TEX2: variants seen among roughly 807,000 people sequenced by gnomAD.
TEX2 encodes testis expressed 2.
In TEX2, 53 loss-of-function variants were observed where a neutral mutation model predicts 106.9. That is an observed-to-expected ratio of 0.50 (90% CI 0.40 to 0.62). The LOEUF (loss-of-function observed/expected upper bound fraction) is 0.62. Ranked by LOEUF, TEX2 falls within the 20% of genes least tolerant of loss-of-function variation. TEX2 has a pLI of 0.00. For synonymous variants in TEX2, 523 were observed against 534.8 expected (o/e 0.98, Z 0.30); for missense variants, 1,207 against 1,379.0 (o/e 0.88, Z 1.98).
In TEX2 at chr17:64,147,482, T is replaced by C. The variant is rs1221681966; in HGVS notation, c.*1487A>G. 6.6e-6 allele frequency: 1 copy of C among 152,204 alleles called. No homozygotes were observed. Among genetic ancestry groups the C allele is most frequent in the Non-Finnish European group, 1.5e-5 (1 of 68,038 alleles). 9.4% of individuals were successfully genotyped at this position (152,204 alleles called of 1,614,324 possible). The stretch of plus-strand genomic sequence containing the variant: ...TATTTTGTGAAACAATGCAAGCGAT[T>C]TTAAATCCCCACATACTATTTGATT... On this transcript the variant is annotated 3_prime_UTR_variant, in exon 12 of 12. Coordinates refer to ENST00000584379, the MANE Select transcript of TEX2 (RefSeq NM_001288732.2).
intron 6 of TEX2, among the ~76,000 whole-genome samples, chr17:64,173,197 TTATAA>T (rs2031485598): frequency 6.6e-6 from 1 of 152,210 alleles, no homozygotes; most frequent in Non-Finnish European, 1.5e-5. Context: ...TACTTTAGCT[TTATAA>T]TATATTTTAG....
rs779220390 is a variant in TEX2 at position 64,153,007 on chromosome 17, T to C, written c.3078A>G (p.Glu1026=). The change falls in exon 10 of 12, where the codon GAA becomes GAG. Residue 1026 remains glutamate (E), a synonymous_variant. Coordinates refer to ENST00000584379, the MANE Select transcript of TEX2 (RefSeq NM_001288732.2). This position sits in a 1 kb window ranked among gnomAD's most constrained non-coding sequence, Gnocchi z 4.1. ...CCAAGGTTCCTCTACATTCTTGTACTTCAACAGTGAGCAGCAGGGGTGTGT... is the reference window on the plus strand; with the variant it reads ...CCAAGGTTCCTCTACATTCTTGTACCTCAACAGTGAGCAGCAGGGGTGTGT... ...VSNTPLLLTV[E]VQECRGTLAV... is the part of the protein sequence containing the mutation. 6.2e-7 allele frequency: 1 copy of C among 1,614,218 alleles called. No homozygotes were observed. Among genetic ancestry groups the C allele is most frequent in the East Asian group, 2.2e-5 (1 of 44,886 alleles).
intron 1 of TEX2, among the ~76,000 whole-genome samples, chr17:64,236,011 C>G (rs782774639): frequency 3.9e-5 from 6 of 152,082 alleles, no homozygotes. Flanking sequence ...CCCCTTTACA[C>G]TGGCCACCTT....
intron 7 of TEX2, among the ~76,000 whole-genome samples, chr17:64,170,216 C>G (rs2031322919): frequency 6.6e-6 from 1 of 152,226 alleles, no homozygotes; most frequent in Non-Finnish European, 1.5e-5. Flanking sequence ...AACTTTCCTC[C>G]AGCAAGGAGC....
rs557167620 is a variant in TEX2, at chr17:64,258,602, A to T, written c.-26+4566T>A. On this transcript the variant is annotated intron_variant, in intron 1 of 11. Transcript: ENST00000584379. Reference sequence around the variant, plus strand: ...TGCGTATTGTTTTGTTTTTCAAAGCACTATCACAAACACCTGAGACTTCAA... The same window carrying T: ...TGCGTATTGTTTTGTTTTTCAAAGCTCTATCACAAACACCTGAGACTTCAA... Among the ~76,000 whole-genome samples, 23 of 152,324 alleles carry T rather than the reference A, an allele frequency of 1.5e-4. No homozygotes were observed. In the South Asian group the frequency reaches 4.8e-3, roughly 32 times the overall value.
chr17:64,210,377 A>G (rs1033892883), intron 2 of TEX2, among the ~76,000 whole-genome samples: 1 of 152,176 alleles, frequency 6.6e-6, no homozygotes, highest in African/African-American at 2.4e-5. Context: ...TCAAAACAAA[A>G]AGAGTGGGTG....
chr17:64,196,828 T>A (rs1207657657), intron 2 of TEX2, among the ~76,000 whole-genome samples: 1 of 152,094 alleles, frequency 6.6e-6, no homozygotes, highest in East Asian at 1.9e-4. Flanking sequence ...GATGTATGAG[T>A]CATGATGTGC....
At chr17:64,233,874 GCT>G (rs2033711168) in intron 1 of TEX2, among the ~76,000 whole-genome samples, 1 of 152,174 alleles carries the variant, frequency 6.6e-6, no homozygotes. Flanking sequence ...ACCATGTCCT[GCT>G]CCTGATCTTC....
chr17:64,158,195 A>G (rs570971830), intron 8 of TEX2, among the ~76,000 whole-genome samples: 1 of 152,390 alleles, frequency 6.6e-6, no homozygotes, highest in Non-Finnish European at 1.5e-5. Flanking sequence ...TACACAGGTT[A>G]AAATCTCAGT....
intron 3 of TEX2, 77 bp from the exon 4 acceptor site, chr17:64,193,966 G>C: frequency 9.6e-7 from 1 of 1,038,976 alleles, no homozygotes; most frequent in African/African-American, 1.6e-5. Flanking sequence ...ATAGCACAAA[G>C]TGCAAACCTT....
chr17:64,227,937 AT>A (rs1192302842), intron 1 of TEX2, among the ~76,000 whole-genome samples: 1 of 152,238 alleles, frequency 6.6e-6, no homozygotes, highest in Non-Finnish European at 1.5e-5. Context: ...TATTTCATGC[AT>A]GATTTTTAAT....
intron 8 of TEX2, chr17:64,155,312 A>G (rs2030569239): frequency 5.2e-6 from 1 of 194,162 alleles, no homozygotes. Context: ...AGTGCAGCGG[A>G]GCCACACGGG....
intron 6 of TEX2, among the ~76,000 whole-genome samples, chr17:64,175,353 G>C (rs1186181910): frequency 6.6e-6 from 1 of 152,160 alleles, no homozygotes; most frequent in Non-Finnish European, 1.5e-5. Context: ...CTGGATCTAG[G>C]CCACACTTCT....
intron 1 of TEX2, among the ~76,000 whole-genome samples, chr17:64,215,050 A>T (rs1401157396): frequency 6.6e-6 from 1 of 152,226 alleles, no homozygotes; most frequent in Non-Finnish European, 1.5e-5. Context: ...AGAGATGTGG[A>T]AGCTATGCTT....
intron 1 of TEX2, among the ~76,000 whole-genome samples, chr17:64,225,987 G>A (rs2033496203): frequency 6.6e-6 from 1 of 152,124 alleles, no homozygotes. Context: ...CAAAGTGCTG[G>A]GATTACAGGC....
intron 11 of TEX2, 65 bp downstream of exon 11, chr17:64,150,776 G>C (rs1267774438): frequency 2.6e-6 from 4 of 1,535,522 alleles, no homozygotes; most frequent in African/African-American, 1.4e-5. Flanking sequence ...CTGAAGTTCA[G>C]AACCTCGGCT....
intron 7 of TEX2, 96 bp downstream of exon 7, chr17:64,171,004 A>T (rs1173469221): frequency 2.1e-6 from 2 of 945,226 alleles, no homozygotes; most frequent in Non-Finnish European, 3.3e-6. Flanking sequence ...TGATTTAAAA[A>T]GTCCTCAACA....
chr17:64,219,477 G>A (rs2033285445), intron 1 of TEX2, among the ~76,000 whole-genome samples: 1 of 147,594 alleles, frequency 6.8e-6, no homozygotes, highest in African/African-American at 2.5e-5. Context: ...CTGCACTCCA[G>A]CCTGGGCAAC....
In TEX2 at chr17:64,188,285, C is replaced by G; in HGVS notation, c.2307G>C (p.Arg769=). Residue 769 remains arginine (R), a synonymous_variant, in exon 5 of 12, where the codon CGG becomes CGC. Coordinates refer to ENST00000584379, the MANE Select transcript of TEX2 (RefSeq NM_001288732.2). The stretch of plus-strand genomic sequence containing the variant: ...CGCTGTAGTCGAGAAGCATCTTCTG[C>G]CGCACGCTGCCTGCCAGCTCCTTCT... ...PKQKELAGSV[R]QKMLLDYSVY... 1 of 1,614,092 alleles carries G rather than the reference C, an allele frequency of 6.2e-7. No individual in the cohort carries two copies. Among genetic ancestry groups the G allele is most frequent in the Non-Finnish European group, 8.5e-7 (1 of 1,180,036 alleles).
Sources: gnomAD v4.1 joint callset for allele counts (sites outside exome capture counted in the v4.1 genomes callset) on GRCh38, gnomAD v4.1.1 for gene constraint, Gnocchi (gnomAD v3.1) non-coding constraint, MANE v1.5 for transcripts, NCBI Gene and HGNC (gene_info 2026-07-23, HGNC 2026-07-21) for gene names.